CHD1L: variants seen among roughly 807,000 people sequenced by gnomAD.
The protein encoded by CHD1L is chromodomain helicase DNA binding protein 1 like.
Under a neutral mutation model 115.9 loss-of-function variants are expected in CHD1L, and 118 were observed. The ratio of observed to expected loss-of-function variants is 1.02; its 90% confidence interval spans 0.88 to 1.19. CHD1L has a LOEUF of 1.19. CHD1L is among the 50% of genes most tolerant of loss of function. The probability of loss-of-function intolerance (pLI) is 0.00; values close to 1 mark genes in which losing one functional copy is unlikely to be tolerated. For missense variants in CHD1L, 1,179 were observed against 1,065.3 expected (o/e 1.11, Z -1.49); for synonymous variants, 411 against 387.1 (o/e 1.06, Z -0.72).
At chr1:147,198,872 A>AAAAAAAAAAAAAAAAG in the CHD1L span, among the ~76,000 whole-genome samples, 1 of 144,594 alleles carries the variant, frequency 6.9e-6, no homozygotes, top group Admixed American at 6.9e-5. Context: ...AAAAAAAAAA[A>AAAAAAAAAAAAAAAAG]AAAGAAAGAA....
At chr1:147,187,064 T>G in the CHD1L span, 1 of 1,614,156 alleles carries the variant, frequency 6.2e-7, no homozygotes, top group South Asian at 1.1e-5. Flanking sequence ...CCATCCCACT[T>G]TCCAGGGCCC....
At chr1:147,194,723 C>A in the CHD1L span, among the ~76,000 whole-genome samples, 1 of 151,964 alleles carries the variant, frequency 6.6e-6, no homozygotes, top group Non-Finnish European at 1.5e-5. Flanking sequence ...AATCTCTCAG[C>A]ATTTGCTTGT....
rs1553974348 is a variant in CHD1L, at chr1:147,294,413, T to C, written c.2511T>C (p.Ser837=). Reference sequence around the variant, plus strand: ...GTGTTCTTCTCTTCATAATAGCAAGTGTTCATCTTCCACGTATTGGACATG... The same window carrying C: ...GTGTTCTTCTCTTCATAATAGCAAGCGTTCATCTTCCACGTATTGGACATG... ...IFLAAKKKKA[S]VHLPRIGHAT... Residue 837 remains serine, a synonymous_variant, in exon 22 of 23, where the codon AGT becomes AGC. Transcript: ENST00000369258. 1.2e-6 allele frequency: 2 copies of C among 1,609,702 alleles called. No individual in the cohort carries two copies. The highest frequency in any genetic ancestry group is 1.3e-5 in the African/African-American group (1 of 74,774).
At chr1:147,273,689 A>G (rs587601800) in intron 12 of CHD1L, among the ~76,000 whole-genome samples, 3 of 152,332 alleles carry the variant, frequency 2.0e-5, no homozygotes, top group African/African-American at 7.2e-5. Flanking sequence ...TATGTTTGAA[A>G]TGTCTAAAAT....
At chr1:147,246,132 G>C (rs11239956) in intron 1 of CHD1L, among the ~76,000 whole-genome samples, 73,228 of 152,042 alleles carry the variant, frequency 0.48, 18,258 homozygotes, top group East Asian at 0.7. Context: ...GAAAATGATA[G>C]GTGAGTAAAA....
At chr1:147,181,971 C>T in the CHD1L span, among the ~76,000 whole-genome samples, 502 of 152,108 alleles carry the variant, frequency 3.3e-3, 3 homozygotes, top group African/African-American at 0.011. Flanking sequence ...AGTGGTGTTG[C>T]GGTTATTCAT....
chr1:147,183,738 GC>G, the CHD1L span, among the ~76,000 whole-genome samples: 1 of 152,120 alleles, frequency 6.6e-6, no homozygotes, highest in East Asian at 1.9e-4. Context: ...GGAAAGTACA[GC>G]ACAAGAATGT....
intron 1 of CHD1L, among the ~76,000 whole-genome samples, chr1:147,251,995 T>C (rs1180283303): frequency 6.6e-6 from 1 of 152,232 alleles, no homozygotes; most frequent in African/African-American, 2.4e-5. Context: ...TTTAAGGTCT[T>C]TCACCTTCCC....
chr1:147,293,622 G>C lies in CHD1L; in HGVS notation c.2406G>C (p.Val802=), dbSNP rs782431311. ...NKGQDLLALI[V]AQHRDRSNVL... ...GTTCTTTCCAGTTGGCCTTGATTGT[G>C]GCTCAGCATCGTGATCGTTCCAATG... Residue 802 remains valine, a synonymous_variant, in exon 21 of 23, where the codon GTG becomes GTC. Coordinates refer to ENST00000369258, the MANE Select transcript of CHD1L (RefSeq NM_004284.6). 6.2e-7 allele frequency: 1 copy of C among 1,613,982 alleles called. No homozygotes were observed. Among genetic ancestry groups the C allele is most frequent in the Non-Finnish European group, 8.5e-7 (1 of 1,179,954 alleles).
At chr1:147,225,030 G>A in the CHD1L span, 2 of 1,558,724 alleles carry the variant, frequency 1.3e-6, no homozygotes, top group Admixed American at 3.6e-5. Flanking sequence ...TCTTAGTCAT[G>A]GTCTCCCGAG....
At chr1:147,208,950 T>A in the CHD1L span, 1,991 of 1,614,000 alleles carry the variant, frequency 1.2e-3, 2 homozygotes, top group Non-Finnish European at 1.6e-3. Flanking sequence ...AGATCTTCCA[T>A]ATAAAATGTG....
At chr1:147,220,795 C>T in the CHD1L span, among the ~76,000 whole-genome samples, 13,317 of 152,054 alleles carry the variant, frequency 0.088, 666 homozygotes, top group East Asian at 0.16. Flanking sequence ...TTGTAACAAA[C>T]TTTCATATGT....
At chr1:147,222,267 C>G in the CHD1L span, among the ~76,000 whole-genome samples, 1 of 152,100 alleles carries the variant, frequency 6.6e-6, no homozygotes, top group African/African-American at 2.4e-5. Context: ...ACTTGAGAGG[C>G]TAAGGCATGA....
At chr1:147,232,280 C>A in the CHD1L span, among the ~76,000 whole-genome samples, 1 of 152,262 alleles carries the variant, frequency 6.6e-6, no homozygotes, top group South Asian at 2.1e-4. Flanking sequence ...AGAGTCATTT[C>A]TAGCACAGTG....
At chr1:147,270,490 G>A (rs1335811275) in intron 10 of CHD1L, among the ~76,000 whole-genome samples, 1 of 149,518 alleles carries the variant, frequency 6.7e-6, no homozygotes, top group Admixed American at 6.8e-5. Context: ...ACTGACCACA[G>A]GCTTTCTTCA....
chr1:147,255,894 G>C lies in CHD1L; in HGVS notation c.429G>C (p.Glu143Asp). ...GCCTTCAGCAAGACCTGAAACAGGAGTCACGTTTTCATGTGCTACTGACTA... is the reference window on the plus strand; with the variant it reads ...GCCTTCAGCAAGACCTGAAACAGGACTCACGTTTTCATGTGCTACTGACTA... ...RACLQQDLKQESRFHVLLTTY... is the reference protein window; with the variant it reads ...RACLQQDLKQDSRFHVLLTTY... Residue 143 changes from glutamate to aspartate, a missense_variant, in exon 4 of 23, where the codon GAG becomes GAC. Glu to Asp is a conservative substitution (Grantham distance 45). Coordinates refer to ENST00000369258, the MANE Select transcript of CHD1L (RefSeq NM_004284.6). 1.9e-6 allele frequency: 3 copies of C among 1,613,836 alleles called. No individual in the cohort carries two copies. The highest frequency in any genetic ancestry group is 1.7e-6 in the Non-Finnish European group (2 of 1,179,816).
At chr1:147,214,413 T>C in the CHD1L span, among the ~76,000 whole-genome samples, 3 of 150,818 alleles carry the variant, frequency 2.0e-5, no homozygotes, top group African/African-American at 7.3e-5. Flanking sequence ...ATCGTGTCAC[T>C]GTACTCCAGC....
intron 8 of CHD1L, among the ~76,000 whole-genome samples, chr1:147,266,392 A>G (rs1250064091): frequency 6.6e-6 from 1 of 152,206 alleles, no homozygotes; most frequent in East Asian, 1.9e-4. Context: ...CAGATACGGT[A>G]GTCCACCCTC....
At chr1:147,262,923 C>T (rs1240465556) in intron 6 of CHD1L, among the ~76,000 whole-genome samples, 1 of 152,010 alleles carries the variant, frequency 6.6e-6, no homozygotes, top group East Asian at 1.9e-4. Context: ...GTATGTGCTG[C>T]CATAATCTTT....
Sources: allele counts gnomAD v4.1 joint callset (sites outside exome capture counted in the v4.1 genomes callset), GRCh38; gene constraint gnomAD v4.1.1; transcripts MANE v1.5; gene names NCBI Gene and HGNC (gene_info 2026-07-23, HGNC 2026-07-21).